MSRB3: variants seen among roughly 807,000 people sequenced by gnomAD.
The protein encoded by MSRB3 is methionine-R-sulfoxide reductase B3.
A neutral mutation model predicts 21.0 loss-of-function variants in MSRB3; 13 were observed. The observed-to-expected ratio is 0.62, with a 90% CI of 0.40 to 0.98. The LOEUF (loss-of-function observed/expected upper bound fraction) is 0.98. Ranked by LOEUF, MSRB3 falls within the 50% of genes least tolerant of loss-of-function variation. MSRB3 has a pLI of 0.00. For synonymous variants in MSRB3, 87 were observed against 88.6 expected (o/e 0.98, Z 0.10); for missense variants, 199 against 230.3 (o/e 0.86, Z 0.88).
chr12:65,429,078 C>A (rs1003461595), intron 5 of MSRB3, among the ~76,000 whole-genome samples: 2 of 152,150 alleles, frequency 1.3e-5, no homozygotes, highest in African/African-American at 4.8e-5. Context: ...AAGTCAATAT[C>A]TACTGCCTTA....
chr12:65,326,002 A>G (rs1217015478), intron 2 of MSRB3, among the ~76,000 whole-genome samples: 2 of 152,248 alleles, frequency 1.3e-5, no homozygotes, highest in African/African-American at 2.4e-5. Context: ...CCATTCAAAT[A>G]CAGTTAATCA....
chr12:65,389,887 C>T (rs930853852), intron 5 of MSRB3, among the ~76,000 whole-genome samples: 2 of 152,224 alleles, frequency 1.3e-5, no homozygotes, highest in East Asian at 1.9e-4. Flanking sequence ...TCTTCAATTT[C>T]AGGTTGCCCC....
intron 4 of MSRB3, among the ~76,000 whole-genome samples, chr12:65,343,948 T>C (rs188670713): frequency 1.3e-5 from 2 of 152,202 alleles, no homozygotes; most frequent in African/African-American, 4.8e-5. Flanking sequence ...AGGTTTAAAG[T>C]CACAACTTTC....
intron 4 of MSRB3, among the ~76,000 whole-genome samples, chr12:65,350,359 G>C (rs1334731797): frequency 6.6e-6 from 1 of 151,934 alleles, no homozygotes; most frequent in Non-Finnish European, 1.5e-5. Context: ...CTCCAGCTTT[G>C]CCAAAATGTA....
intron 4 of MSRB3, among the ~76,000 whole-genome samples, chr12:65,342,197 A>T (rs1193642424): frequency 1.3e-4 from 20 of 150,734 alleles, no homozygotes; most frequent in African/African-American, 3.7e-4. Flanking sequence ...ACCATAGAGT[A>T]TATTATTAAA....
intron 1 of MSRB3, among the ~76,000 whole-genome samples, chr12:65,288,581 A>G (rs1003994021): frequency 3.3e-5 from 5 of 152,212 alleles, no homozygotes; most frequent in African/African-American, 1.2e-4. Context: ...TAAAGAATAG[A>G]TTACAATGTA....
chr12:65,381,468 G>T (rs1878935417), intron 5 of MSRB3, among the ~76,000 whole-genome samples: 1 of 152,096 alleles, frequency 6.6e-6, no homozygotes, highest in Non-Finnish European at 1.5e-5. Context: ...TTACTTGGTT[G>T]CAGGCTTAAG....
intron 5 of MSRB3, among the ~76,000 whole-genome samples, chr12:65,383,645 T>C (rs1879056765): frequency 6.7e-6 from 1 of 148,478 alleles, no homozygotes; most frequent in Non-Finnish European, 1.5e-5. Context: ...AACAAAGAGA[T>C]GCATTGTTAG....
intron 5 of MSRB3, among the ~76,000 whole-genome samples, chr12:65,414,525 G>T (rs1880875295): frequency 6.6e-6 from 1 of 152,146 alleles, no homozygotes; most frequent in Admixed American, 6.5e-5. Flanking sequence ...ACAGCAACAT[G>T]CCGTGCAGGT....
chr12:65,325,289 G>A (rs968371469), intron 2 of MSRB3, among the ~76,000 whole-genome samples: 3 of 152,148 alleles, frequency 2.0e-5, no homozygotes, highest in Non-Finnish European at 4.4e-5. Context: ...AGGATAAGAC[G>A]GGGTCCAGTG....
intron 5 of MSRB3, among the ~76,000 whole-genome samples, chr12:65,444,028 C>T (rs549527453): frequency 1.3e-5 from 2 of 152,082 alleles, no homozygotes; most frequent in South Asian, 4.2e-4. Flanking sequence ...AGAAATATTT[C>T]CATGAGCTTG....
At chr12:65,415,820 C>T (rs1274634408) in intron 5 of MSRB3, among the ~76,000 whole-genome samples, 2 of 152,184 alleles carry the variant, frequency 1.3e-5, no homozygotes, top group Non-Finnish European at 2.9e-5. Context: ...CCTAGATCAA[C>T]TGCCTTTCAT....
chr12:65,299,710 C>G (rs947749472), intron 1 of MSRB3, among the ~76,000 whole-genome samples: 1 of 152,166 alleles, frequency 6.6e-6, no homozygotes, highest in Non-Finnish European at 1.5e-5. Flanking sequence ...TAGTTGGTGT[C>G]TTCTAACCCT....
Position 65,453,755 on chromosome 12 carries a change from A to G in MSRB3, c.320A>G (p.Asn107Ser). 6.2e-7 allele frequency: 1 copy of G among 1,614,088 alleles called. No homozygotes were observed. The highest frequency in any genetic ancestry group is 8.5e-7 in the Non-Finnish European group (1 of 1,180,012). The change falls in exon 6 of 7, where the codon AAT becomes AGT. Residue 107 changes from asparagine to serine, a missense_variant. Physicochemically the swap from Asn to Ser is conservative, Grantham distance 46. Coordinates refer to ENST00000308259, the MANE Select transcript of MSRB3 (RefSeq NM_001031679.3). The part of the protein sequence containing the change: ...SGWPSFHDVI[N>S]SEAITFTDDF... ...TGGCCTTCATTCCACGATGTGATCA[A>G]TTCTGAGGCAATCACATTCACAGAT...
intron 5 of MSRB3, among the ~76,000 whole-genome samples, chr12:65,441,702 A>G (rs1882388528): frequency 6.6e-6 from 1 of 152,134 alleles, no homozygotes; most frequent in East Asian, 1.9e-4. Flanking sequence ...CATATGTGAC[A>G]AAATAGAGCA....
intron 1 of MSRB3, among the ~76,000 whole-genome samples, chr12:65,296,332 A>G (rs1364492205): frequency 6.6e-6 from 1 of 152,138 alleles, no homozygotes; most frequent in African/African-American, 2.4e-5. Flanking sequence ...CCACACATAC[A>G]TTCTCTTTCT....
chr12:65,418,606 T>A (rs1402674957), intron 5 of MSRB3: 7 of 576,078 alleles, frequency 1.2e-5, no homozygotes, highest in Non-Finnish European at 2.1e-5. Flanking sequence ...GTTCTCGTAG[T>A]TTTACAGTTT....
At chr12:65,342,205 A>T (rs534551761) in intron 4 of MSRB3, among the ~76,000 whole-genome samples, 61 of 137,120 alleles carry the variant, frequency 4.4e-4, no homozygotes, top group African/African-American at 2.0e-3. Flanking sequence ...GTATATTATT[A>T]AAAAAAAAAC....
At chr12:65,455,856 C>T (rs1883066347) in intron 6 of MSRB3, among the ~76,000 whole-genome samples, 1 of 152,114 alleles carries the variant, frequency 6.6e-6, no homozygotes, top group Non-Finnish European at 1.5e-5. Context: ...CTCACCTCAA[C>T]CTCCCAAGTA....
Sources: allele counts gnomAD v4.1 joint callset (sites outside exome capture counted in the v4.1 genomes callset), GRCh38; gene constraint gnomAD v4.1.1; transcripts MANE v1.5; gene names NCBI Gene and HGNC (gene_info 2026-07-23, HGNC 2026-07-21).